TBC1D4: variants seen among roughly 807,000 people sequenced by gnomAD.
TBC1D4 encodes TBC (Tre-2, BUB2, CDC16) domain-containing protein.
TBC1D4 carries 121 observed loss-of-function variants against 142.5 expected under a neutral mutation model. That is an observed-to-expected ratio of 0.85 (90% confidence interval 0.73 to 0.99). TBC1D4 has a LOEUF of 0.99. Ranked by LOEUF, TBC1D4 falls within the 50% of genes least tolerant of loss-of-function variation. The probability of loss-of-function intolerance (pLI) is 0.00; values close to 1 mark genes in which losing one functional copy is unlikely to be tolerated. For missense variants in TBC1D4, 1,475 were observed against 1,606.6 expected (o/e 0.92, Z 1.40); for synonymous variants, 630 against 628.2 (o/e 1.00, Z -0.04).
intron 6 of TBC1D4, 126 bp from the exon 7 acceptor site, chr13:75,341,361 A>G: frequency 8.1e-7 from 1 of 1,241,452 alleles, no homozygotes; most frequent in East Asian, 2.4e-5. Flanking sequence ...GTAAAATGGC[A>G]TTCTATTCTA....
chr13:75,353,197 T>A (rs1881758038), intron 4 of TBC1D4, among the ~76,000 whole-genome samples: 1 of 152,206 alleles, frequency 6.6e-6, no homozygotes, highest in Non-Finnish European at 1.5e-5. Flanking sequence ...GTTCCCAGAC[T>A]TTCTACTGTG....
intron 5 of TBC1D4, among the ~76,000 whole-genome samples, chr13:75,341,915 A>G (rs1458309841): frequency 6.6e-6 from 1 of 152,226 alleles, no homozygotes; most frequent in African/African-American, 2.4e-5. Context: ...TCTAGTTCTC[A>G]TTCAGTACTG....
intron 1 of TBC1D4, among the ~76,000 whole-genome samples, chr13:75,381,870 T>G (rs1883867665): frequency 6.6e-6 from 1 of 152,218 alleles, no homozygotes; most frequent in South Asian, 2.1e-4. Flanking sequence ...AAATAAGTGC[T>G]GTACGGCCAC....
chr13:75,474,491 G>A (rs756744251), intron 1 of TBC1D4, among the ~76,000 whole-genome samples: 2 of 152,094 alleles, frequency 1.3e-5, no homozygotes, highest in East Asian at 1.9e-4. Context: ...CCCGGAAGGC[G>A]GAGCTTGCAG....
At position 75,306,444 on chromosome 13, in the gene TBC1D4, T is replaced by C. The variant is rs1877195430; in HGVS notation, c.2621A>G (p.Lys874Arg). 6.2e-7 allele frequency: 1 copy of C among 1,613,280 alleles called. No individual in the cohort carries two copies. ...AACTTCTTCATAGTCTAATTTAACTTTTCTGGACTGGAGTTCATCTCTGCT... is the reference window on the plus strand; with the variant it reads ...AACTTCTTCATAGTCTAATTTAACTCTTCTGGACTGGAGTTCATCTCTGCT... Reference protein sequence around the residue: ...EASRDELQSRKVKLDYEEVGA... With the variant: ...EASRDELQSRRVKLDYEEVGA... The change falls in exon 15 of 21, where the codon AAA becomes AGA. Residue 874 changes from lysine to arginine, a missense_variant. Around this residue, in one of 2 missense-constraint regions of TBC1D4, gnomAD observed 1,227 missense variants for 1,267.7 expected, o/e 0.97. Transcript: ENST00000377636.
chr13:75,310,189 G>A, intron 13 of TBC1D4, 38 bp from the exon 14 acceptor site: 1 of 1,591,192 alleles, frequency 6.3e-7, no homozygotes, highest in Non-Finnish European at 8.6e-7. Flanking sequence ...TTCCTTAGCA[G>A]TAACCCAGAC....
intron 1 of TBC1D4, among the ~76,000 whole-genome samples, chr13:75,435,891 A>G (rs1886779363): frequency 1.3e-5 from 2 of 152,226 alleles, no homozygotes; most frequent in African/African-American, 4.8e-5. Context: ...GTTATAGCCC[A>G]CTACCCAAAA....
At chr13:75,426,985 G>A (rs1370448970) in intron 1 of TBC1D4, among the ~76,000 whole-genome samples, 1 of 152,076 alleles carries the variant, frequency 6.6e-6, no homozygotes, top group South Asian at 2.1e-4. Context: ...AGAGTTCAAG[G>A]CTGCAGTCAG....
At chr13:75,365,580 T>C (rs959635593) in intron 1 of TBC1D4, among the ~76,000 whole-genome samples, 2 of 152,236 alleles carry the variant, frequency 1.3e-5, no homozygotes, top group Non-Finnish European at 2.9e-5. Context: ...TGTACATACA[T>C]ACAATATTTT....
intron 17 of TBC1D4, among the ~76,000 whole-genome samples, chr13:75,297,444 G>A (rs1410546466): frequency 6.6e-6 from 1 of 152,092 alleles, no homozygotes; most frequent in Non-Finnish European, 1.5e-5. Flanking sequence ...AAGACCATCT[G>A]ATTCCTATCT....
intron 1 of TBC1D4, among the ~76,000 whole-genome samples, chr13:75,463,403 A>G (rs1888049877): frequency 6.6e-6 from 1 of 152,218 alleles, no homozygotes; most frequent in Admixed American, 6.5e-5. Context: ...AAGGCTGCAC[A>G]AAAGTGCTAA....
intron 1 of TBC1D4, among the ~76,000 whole-genome samples, chr13:75,428,953 C>T (rs947874080): frequency 6.6e-6 from 1 of 152,208 alleles, no homozygotes; most frequent in Non-Finnish European, 1.5e-5. Context: ...TCCCTATACA[C>T]TCCTGCATCC....
At chr13:75,312,672 C>T (rs8000912) in intron 13 of TBC1D4, 66 bp downstream of exon 13, 131 of 1,591,248 alleles carry the variant, frequency 8.2e-5, no homozygotes, top group African/African-American at 6.0e-4. Flanking sequence ...ATACACAGCA[C>T]GTGCATTCCA....
chr13:75,465,292 G>A (rs1888123251), intron 1 of TBC1D4, among the ~76,000 whole-genome samples: 1 of 152,170 alleles, frequency 6.6e-6, no homozygotes, highest in Non-Finnish European at 1.5e-5. Context: ...AGCAGTGAAT[G>A]CATTTGCTTT....
rs759960886 is a variant in TBC1D4 at position 75,481,461 on chromosome 13, C to A, written c.307G>T (p.Gly103Trp). The change falls in exon 1 of 21, where the codon GGG becomes TGG. Residue 103 changes from glycine (G) to tryptophan (W), a missense_variant. By Grantham distance (184) the Gly-to-Trp change is radical. Around this residue, in one of 2 missense-constraint regions of TBC1D4, gnomAD observed 1,227 missense variants for 1,267.7 expected, o/e 0.97. Transcript: ENST00000377636. The part of the protein sequence containing the change: ...CVPAPGAGAS[G>W]GTSPSATQPN... ...TGCGTGGCCGACGGACTAGTGCCCC[C>A]CGAGGCCCCAGCGCCCGGCGCGGGG... is the stretch of plus-strand genomic sequence containing the variant. The A allele has an allele frequency of 1.9e-6, 3 of 1,613,622 alleles. No homozygotes were observed. The highest frequency in any genetic ancestry group is 2.5e-6 in the Non-Finnish European group (3 of 1,179,754).
At chr13:75,382,801 A>G in intron 1 of TBC1D4, among the ~76,000 whole-genome samples, 1 of 152,210 alleles carries the variant, frequency 6.6e-6, no homozygotes, top group East Asian at 1.9e-4. Flanking sequence ...AAATATCTCA[A>G]TAATTTTATA....
chr13:75,306,324 A>C lies in TBC1D4; in HGVS notation c.2741T>G (p.Leu914Arg), dbSNP rs1877180800. Residue 914 changes from leucine to arginine, a missense_variant, in exon 15 of 21, where the codon CTT (leucine) becomes CGT (arginine). Leu to Arg is a moderately radical substitution (Grantham distance 102). This residue lies in a region of TBC1D4 where 1,227 missense variants were observed against 1,267.7 expected (regional missense o/e 0.97). Transcript: ENST00000377636. ...ATTATCCCAAATACCTTCTTTAAGA[A>C]GAGTATGAATATCTTCCATATCACA... ...IRCDMEDIHT[L>R]LKEGVPKSRR... 1 of 1,610,442 alleles carries C rather than the reference A, an allele frequency of 6.2e-7. No homozygotes were observed. The highest frequency in any genetic ancestry group is 2.2e-5 in the East Asian group (1 of 44,742).
At chr13:75,469,647 A>T (rs1197070442) in intron 1 of TBC1D4, among the ~76,000 whole-genome samples, 1 of 152,058 alleles carries the variant, frequency 6.6e-6, no homozygotes, top group Admixed American at 6.6e-5. Context: ...TGGTGGCTGG[A>T]ACCTGTAGTC....
intron 15 of TBC1D4, among the ~76,000 whole-genome samples, chr13:75,303,674 A>G (rs1163059557): frequency 6.6e-6 from 1 of 152,228 alleles, no homozygotes. Context: ...ACTGATTGCC[A>G]GAGTTTGTAC....
Sources: gnomAD v4.1 joint callset for allele counts (sites outside exome capture counted in the v4.1 genomes callset) on GRCh38, gnomAD v4.1.1 for gene constraint, gnomAD v4.1.1 regional missense constraint, MANE v1.5 for transcripts, NCBI Gene and HGNC (gene_info 2026-07-23, HGNC 2026-07-21) for gene names.